Variants in TBC1D5 observed in about 807,000 individuals in gnomAD.
TBC1D5 encodes the protein TBC1 domain family member 5.
Under a neutral mutation model 100.3 loss-of-function variants are expected in TBC1D5, and 75 were observed. That is an observed-to-expected ratio of 0.75 (90% CI 0.62 to 0.91). TBC1D5 has a LOEUF of 0.91. Ranked by LOEUF, TBC1D5 falls within the 40% of genes least tolerant of loss-of-function variation. TBC1D5 has a pLI of 0.00. For missense variants in TBC1D5, 910 were observed against 942.4 expected, an observed-to-expected ratio of 0.97 and a Z score of 0.45; for synonymous variants, 323 against 325.6, an observed-to-expected ratio of 0.99 and a Z score of 0.09.
chr3:17,453,258 G>C (rs2094971415), intron 3 of TBC1D5, among the ~76,000 whole-genome samples: 1 of 150,762 alleles, frequency 6.6e-6, no homozygotes, highest in African/African-American at 2.4e-5. Flanking sequence ...TACAGAACTA[G>C]AAAAGCAAAA....
intron 3 of TBC1D5, among the ~76,000 whole-genome samples, chr3:17,449,815 C>A (rs973478739): frequency 6.6e-6 from 1 of 152,208 alleles, no homozygotes; most frequent in Non-Finnish European, 1.5e-5. Context: ...CTTCAGCAGA[C>A]TTAAACATTC....
At chr3:17,699,531 C>T (rs1173006218) in intron 1 of TBC1D5, among the ~76,000 whole-genome samples, 2 of 102,366 alleles carry the variant, frequency 2.0e-5, no homozygotes, top group Non-Finnish European at 2.1e-5. Context: ...TACCCTAAAA[C>T]TTAAAGTATA....
chr3:17,463,150 T>A (rs1035988526), intron 3 of TBC1D5, among the ~76,000 whole-genome samples: 2 of 152,212 alleles, frequency 1.3e-5, no homozygotes, highest in Non-Finnish European at 2.9e-5. Flanking sequence ...TAAGTTCCAT[T>A]TGCATTTTAG....
chr3:17,661,311 C>T (rs1026721619), intron 1 of TBC1D5, among the ~76,000 whole-genome samples: 5 of 152,080 alleles, frequency 3.3e-5, no homozygotes, highest in Non-Finnish European at 4.4e-5. Context: ...ACAGAATCTT[C>T]GAAGTATATA....
intron 18 of TBC1D5, among the ~76,000 whole-genome samples, chr3:17,203,431 G>A (rs2125841423): frequency 6.6e-6 from 1 of 152,312 alleles, no homozygotes; most frequent in Non-Finnish European, 1.5e-5. Flanking sequence ...AGTTAATGAT[G>A]AAATGAGTTA....
intron 18 of TBC1D5, among the ~76,000 whole-genome samples, chr3:17,199,062 G>A (rs140085135): frequency 0.015 from 2,210 of 152,228 alleles, 24 homozygotes; most frequent in Middle Eastern, 0.051. Flanking sequence ...GCAAGGTTCC[G>A]CATTTAAACG....
At chr3:17,229,907 T>A (rs1378998611) in intron 17 of TBC1D5, among the ~76,000 whole-genome samples, 2 of 152,166 alleles carry the variant, frequency 1.3e-5, no homozygotes, top group Non-Finnish European at 2.9e-5. Context: ...TCTGATCTTG[T>A]TTTCAGTCCA....
intron 1 of TBC1D5, among the ~76,000 whole-genome samples, chr3:17,640,414 T>C (rs148481487): frequency 2.9e-4 from 44 of 152,270 alleles, no homozygotes; most frequent in African/African-American, 1.0e-3. Context: ...ATTTTAATTA[T>C]GATAGGGAAT....
chr3:17,218,567 C>T (rs547375364), intron 17 of TBC1D5, among the ~76,000 whole-genome samples: 1 of 151,870 alleles, frequency 6.6e-6, no homozygotes, highest in South Asian at 2.1e-4. Flanking sequence ...GAAGGACTTT[C>T]TTTATTATGT....
chr3:17,424,355 T>C (rs545943403), intron 4 of TBC1D5, among the ~76,000 whole-genome samples: 33 of 151,964 alleles, frequency 2.2e-4, no homozygotes, highest in African/African-American at 7.5e-4. Flanking sequence ...AGGAGAGGAG[T>C]GGCCTGTGCT....
chr3:17,684,664 C>G (rs1395956829), intron 1 of TBC1D5, among the ~76,000 whole-genome samples: 2 of 151,968 alleles, frequency 1.3e-5, no homozygotes, highest in Non-Finnish European at 2.9e-5. Flanking sequence ...GAATTATTAA[C>G]TAAGTCAAAG....
chr3:17,163,887 T>G (rs1240073017), intron 21 of TBC1D5, among the ~76,000 whole-genome samples: 2 of 152,132 alleles, frequency 1.3e-5, no homozygotes, highest in Non-Finnish European at 2.9e-5. Flanking sequence ...GCTGTAATAG[T>G]AGACAATATG....
chr3:17,195,329 A>G (rs766170681), intron 18 of TBC1D5, among the ~76,000 whole-genome samples: 23 of 152,332 alleles, frequency 1.5e-4, no homozygotes, highest in South Asian at 6.2e-4. Context: ...ACTCTACTTA[A>G]CAAGGGTTTT....
At chr3:17,414,139 T>C (rs905332145) in intron 4 of TBC1D5, among the ~76,000 whole-genome samples, 1 of 152,190 alleles carries the variant, frequency 6.6e-6, no homozygotes, top group Admixed American at 6.5e-5. Context: ...GATCATTTCA[T>C]TGCAATTCTA....
At chr3:17,547,392 T>C (rs1320102326) in intron 2 of TBC1D5, among the ~76,000 whole-genome samples, 1 of 152,158 alleles carries the variant, frequency 6.6e-6, no homozygotes, top group Non-Finnish European at 1.5e-5. Context: ...CTCCTACTGT[T>C]ACCATACCTA....
chr3:17,629,500 C>A (rs1010984891), intron 1 of TBC1D5, among the ~76,000 whole-genome samples: 1 of 152,062 alleles, frequency 6.6e-6, no homozygotes, highest in Non-Finnish European at 1.5e-5. Context: ...TGTCTTAATT[C>A]CTCTTCTTCA....
exon 1 of TBC1D5, chr3:17,739,757 C>A (rs2077249111): frequency 6.6e-6 from 1 of 152,200 alleles, no homozygotes; most frequent in Non-Finnish European, 1.5e-5. Flanking sequence ...GTAATCCCAG[C>A]ACTTTGGGAG....
chr3:17,355,934 G>T (rs73145877), intron 13 of TBC1D5, among the ~76,000 whole-genome samples: 13,659 of 152,104 alleles, frequency 0.09, 1,414 homozygotes, highest in African/African-American at 0.25. Context: ...CAATTCCAGA[G>T]AGAAAATTCC....
chr3:17,729,749 C>T lies in TBC1D5; in HGVS notation c.-101+9594G>A, dbSNP rs9811209. 1.1e-3 allele frequency among the ~76,000 whole-genome samples: 165 copies of T among 152,132 alleles called. 1 individual carries two copies. Among genetic ancestry groups the T allele is most frequent in the African/African-American group, 3.8e-3 (156 of 41,500 alleles). ...AATTAGGAAACCATCTGAATAATTA[C>T]AGCAATAAAGAACATTAAGTAAAAT... On this transcript the variant is annotated intron_variant, in intron 1 of 21. Transcript: ENST00000253692.
Sources: allele counts gnomAD v4.1 joint callset (sites outside exome capture counted in the v4.1 genomes callset), GRCh38; gene constraint gnomAD v4.1.1; transcripts MANE v1.5; gene names NCBI Gene and HGNC (gene_info 2026-07-23, HGNC 2026-07-21).